The following TMEM65 variants were observed in gnomAD, a reference collection of about 807,000 sequenced individuals.
TMEM65 encodes the protein transmembrane protein 65.
TMEM65 carries 22 observed loss-of-function variants against 25.4 expected under a neutral mutation model. The ratio of observed to expected loss-of-function variants is 0.86; its 90% confidence interval spans 0.62 to 1.23. TMEM65 has a LOEUF of 1.23. Ranked by LOEUF, TMEM65 falls within the 50% of genes most tolerant of loss-of-function variation. TMEM65 has a pLI of 0.00. For synonymous variants in TMEM65, 132 were observed against 126.2 expected (o/e 1.05, Z -0.31); for missense variants, 262 against 308.2 (o/e 0.85, Z 1.12).
intron 6 of TMEM65, among the ~76,000 whole-genome samples, chr8:124,315,286 A>G (rs758602060): frequency 1.3e-5 from 2 of 150,964 alleles, no homozygotes; most frequent in Non-Finnish European, 2.9e-5. Flanking sequence ...TCTCTTATAC[A>G]TTGTCTATTT....
At chr8:124,325,061 A>G (rs1015145457) in intron 3 of TMEM65, among the ~76,000 whole-genome samples, 3 of 152,026 alleles carry the variant, frequency 2.0e-5, no homozygotes, top group African/African-American at 7.2e-5. Context: ...TAATATGAAC[A>G]CCAACCAATA....
chr8:124,339,222 A>AAAAAAAAAAAAAT (rs1563594368), intron 1 of TMEM65, among the ~76,000 whole-genome samples: 1 of 19,904 alleles, frequency 5.0e-5, no homozygotes, highest in Non-Finnish European at 7.9e-5. Flanking sequence ...AAAAAAAAAA[A>AAAAAAAAAAAAAT]ATATATATAT....
At chr8:124,362,876 CA>C (rs1177745479) in intron 1 of TMEM65, among the ~76,000 whole-genome samples, 2 of 151,594 alleles carry the variant, frequency 1.3e-5, no homozygotes, top group Admixed American at 6.6e-5. Context: ...AAGTAAACTG[CA>C]AAAAAAGAAA....
At chr8:124,317,114 C>T (rs943062478) in intron 6 of TMEM65, among the ~76,000 whole-genome samples, 7 of 152,044 alleles carry the variant, frequency 4.6e-5, no homozygotes, top group African/African-American at 1.7e-4. Flanking sequence ...CTCTATATTA[C>T]CTATGTGTAT....
intron 1 of TMEM65, among the ~76,000 whole-genome samples, chr8:124,361,708 C>T (rs987672133): frequency 4.0e-5 from 6 of 150,782 alleles, no homozygotes; most frequent in Non-Finnish European, 8.9e-5. Context: ...TGGTGGCATG[C>T]ACCTGTAATC....
intron 2 of TMEM65, 124 bp from the exon 3 acceptor site, chr8:124,327,545 T>C (rs1814379977): frequency 1.6e-6 from 1 of 620,554 alleles, no homozygotes; most frequent in Admixed American, 3.9e-5. Flanking sequence ...GATTCTCATT[T>C]TCCAGAGCCA....
rs66799463 is a variant in TMEM65 at position 124,315,314 on chromosome 8, G to GT, written c.622-1254dup. Among the ~76,000 whole-genome samples the GT allele has an allele frequency of 4.7e-5, 7 of 149,618 alleles. No homozygotes were observed. In the East Asian group the frequency reaches 5.9e-4, roughly 13 times the overall value. On this transcript the variant is annotated intron_variant, in intron 6 of 6. Transcript: ENST00000297632. ...GTCTATTTAGCTATCATATCCTACAGTTTTTTTTTTGTTTGTTTTTTTTTT... is the reference window on the plus strand; with the variant it reads ...GTCTATTTAGCTATCATATCCTACAGTTTTTTTTTTTGTTTGTTTTTTTTTT...
intron 1 of TMEM65, among the ~76,000 whole-genome samples, chr8:124,360,688 A>G (rs567832592): frequency 6.6e-6 from 1 of 152,310 alleles, no homozygotes; most frequent in East Asian, 1.9e-4. Flanking sequence ...CTTTGGAGAT[A>G]TAAATTTTCT....
At chr8:124,330,719 C>T (rs1219854000) in intron 2 of TMEM65, 29 bp downstream of exon 2, 2 of 1,585,922 alleles carry the variant, frequency 1.3e-6, no homozygotes, top group Non-Finnish European at 1.7e-6. Context: ...GACAGATGAA[C>T]ATATATTTAA....
chr8:124,372,054 C>A lies in TMEM65; in HGVS notation c.104G>T (p.Gly35Val). ...GGGCGCGAGCGCCAGCAGCCCCCGC[C>A]CGCAGCAGCACCAGGACGGCGGGCG... ...APRPPSWCCC[G>V]RGLLALAPPG... Residue 35 changes from glycine (G) to valine (V), a missense_variant, in exon 1 of 7, where the codon GGG becomes GTG. Gly to Val is a moderately radical substitution (Grantham distance 109, BLOSUM62 -3). Transcript: ENST00000297632. 1 of 1,209,424 alleles carries A rather than the reference C, an allele frequency of 8.3e-7. No homozygotes were observed. Among genetic ancestry groups the A allele is most frequent in the Non-Finnish European group, 1.0e-6 (1 of 973,358 alleles). 74.9% of individuals were successfully genotyped at this position (1,209,424 alleles called of 1,614,324 possible). A position where few individuals can be genotyped will look rare whatever the true frequency, so the allele number is the denominator to read the frequency against.
intron 4 of TMEM65, among the ~76,000 whole-genome samples, chr8:124,322,747 T>C (rs968144425): frequency 1.3e-4 from 20 of 151,926 alleles, no homozygotes; most frequent in African/African-American, 2.4e-4. Context: ...TCTGTAATCC[T>C]AGCACTTTGG....
chr8:124,341,520 C>T (rs1257658033), intron 1 of TMEM65, among the ~76,000 whole-genome samples: 1 of 151,814 alleles, frequency 6.6e-6, no homozygotes, highest in East Asian at 1.9e-4. Flanking sequence ...TTTTCTTTAC[C>T]TTTTAGGTAA....
chr8:124,328,176 CG>C lies in TMEM65; in HGVS notation c.350-756del, dbSNP rs367570676. On this transcript the variant is annotated intron_variant, in intron 2 of 6. Transcript: ENST00000297632. ...ATCCTAGCACTTTGGGAGGCTGAGG[CG>C]GGCGGATCATGAGGTCAAGAGATCG... Among the ~76,000 whole-genome samples the C allele has an allele frequency of 2.4e-3, 371 of 152,122 alleles. 1 individual carries two copies. The highest frequency in any genetic ancestry group is 7.7e-3 in the African/African-American group (319 of 41,490).
intron 1 of TMEM65, among the ~76,000 whole-genome samples, chr8:124,344,492 A>AC (rs1303540504): frequency 1.3e-5 from 2 of 152,184 alleles, no homozygotes; most frequent in Non-Finnish European, 2.9e-5. Flanking sequence ...TCTCTTGCTA[A>AC]AACTGTTTCA....
intron 1 of TMEM65, among the ~76,000 whole-genome samples, chr8:124,353,401 A>G (rs1190977147): frequency 6.6e-6 from 1 of 152,170 alleles, no homozygotes; most frequent in African/African-American, 2.4e-5. Flanking sequence ...CTGTGTTATT[A>G]GCTTAGTATT....
At position 124,311,156 on chromosome 8, in the gene TMEM65, T is replaced by C. The variant is rs899308379; in HGVS notation, c.*2804A>G. On this transcript the variant is annotated 3_prime_UTR_variant, in exon 7 of 7. Transcript: ENST00000297632. ...TAAATACCCATCAGTGTGACTTATG[T>C]GAGTCTATCTAAAGCTTTTCTATGG... 5.9e-5 allele frequency: 9 copies of C among 152,206 alleles called. No homozygotes were observed. The highest frequency in any genetic ancestry group is 3.9e-4 in the Admixed American group (6 of 15,284). The allele number at this position is 152,206 out of a possible 1,614,324, so 9.4% of individuals were successfully genotyped here. A position where few individuals can be genotyped will look rare whatever the true frequency, so the allele number is the denominator to read the frequency against.
intron 1 of TMEM65, among the ~76,000 whole-genome samples, chr8:124,350,001 T>C (rs1282787792): frequency 6.6e-6 from 1 of 152,150 alleles, no homozygotes; most frequent in Non-Finnish European, 1.5e-5. Context: ...TTCTTCAAAA[T>C]ACATTTGCAT....
chr8:124,319,981 C>T, intron 6 of TMEM65, 105 bp downstream of exon 6: 1 of 797,144 alleles, frequency 1.3e-6, no homozygotes. Flanking sequence ...TTGTTAAAAA[C>T]TCCATTCAAA....
At chr8:124,347,278 A>ATC (rs1490345856) in intron 1 of TMEM65, among the ~76,000 whole-genome samples, 9 of 152,224 alleles carry the variant, frequency 5.9e-5, no homozygotes, top group African/African-American at 2.2e-4. Context: ...CTAAATATAT[A>ATC]TGTCTTACGT....
Sources: allele counts gnomAD v4.1 joint callset (sites outside exome capture counted in the v4.1 genomes callset), GRCh38; gene constraint gnomAD v4.1.1; transcripts MANE v1.5; gene names NCBI Gene and HGNC (gene_info 2026-07-23, HGNC 2026-07-21).